Variants in CCNY observed in about 807,000 individuals in gnomAD.
CCNY encodes the protein cyclin-Y.
CCNY carries 19 observed loss-of-function variants against 42.8 expected under a neutral mutation model. The observed-to-expected ratio is 0.44, with a 90% CI of 0.31 to 0.65. The LOEUF is 0.65. CCNY is among the 30% of genes least tolerant of loss of function. The pLI, the probability that CCNY is intolerant of heterozygous loss-of-function variation, is 0.07. For missense variants in CCNY, 370 were observed against 437.3 expected (o/e 0.85, Z 1.37); for synonymous variants, 165 against 162.7 (o/e 1.01, Z -0.11).
intron 1 of CCNY, among the ~76,000 whole-genome samples, chr10:35,393,236 C>A (rs1237385997): frequency 6.6e-6 from 1 of 152,136 alleles, no homozygotes; most frequent in Non-Finnish European, 1.5e-5. Context: ...AAGAGATGCT[C>A]CTATAAGTAT....
intron 1 of CCNY, among the ~76,000 whole-genome samples, chr10:35,391,359 G>A (rs1169321419): frequency 6.6e-6 from 1 of 152,124 alleles, no homozygotes; most frequent in East Asian, 1.9e-4. Flanking sequence ...GGCCAGTTAA[G>A]AACAGGTAAC....
At chr10:35,535,137 A>C (rs548151376) in intron 7 of CCNY, among the ~76,000 whole-genome samples, 10 of 151,804 alleles carry the variant, frequency 6.6e-5, no homozygotes, top group Non-Finnish European at 1.2e-4. Context: ...ATGTATTTGG[A>C]AGAAGGGGTC....
chr10:35,380,326 ATTTCTCTAATGTC>A (rs1239946463), intron 1 of CCNY, among the ~76,000 whole-genome samples: 6 of 152,152 alleles, frequency 3.9e-5, no homozygotes, highest in Non-Finnish European at 7.4e-5. Flanking sequence ...GTCACAGCTT[ATTTCTCTAATGTC>A]TTTCCCTTTC....
intron 1 of CCNY, among the ~76,000 whole-genome samples, chr10:35,355,231 C>G (rs1369123586): frequency 6.6e-6 from 1 of 152,128 alleles, no homozygotes; most frequent in East Asian, 1.9e-4. Context: ...CAGCAAATTT[C>G]AGAGAAGAGC....
chr10:35,447,795 G>A (rs1024839362), intron 1 of CCNY, among the ~76,000 whole-genome samples: 8 of 152,102 alleles, frequency 5.3e-5, no homozygotes, highest in Admixed American at 3.3e-4. Context: ...GGCACAGGTC[G>A]GATGTTTGTG....
At chr10:35,493,127 G>C (rs1209970135) in intron 2 of CCNY, among the ~76,000 whole-genome samples, 1 of 152,170 alleles carries the variant, frequency 6.6e-6, no homozygotes, top group Non-Finnish European at 1.5e-5. Flanking sequence ...GGGCTTTCCA[G>C]TGTGGAGAAA....
At chr10:35,377,879 G>C (rs1837089655) in intron 1 of CCNY, among the ~76,000 whole-genome samples, 1 of 152,200 alleles carries the variant, frequency 6.6e-6, no homozygotes, top group East Asian at 1.9e-4. Context: ...GAGGCAGCAA[G>C]AACATCATAT....
chr10:35,257,960 A>G (rs2095716825), intron 3 of CCNY, among the ~76,000 whole-genome samples: 1 of 151,970 alleles, frequency 6.6e-6, no homozygotes, highest in Non-Finnish European at 1.5e-5. Context: ...AGACTCAATA[A>G]TTTCCACTGT....
chr10:35,363,433 C>T lies in CCNY; in HGVS notation c.154+26226C>T, dbSNP rs568116715. Among the ~76,000 whole-genome samples the T allele has an allele frequency of 7.0e-3, 1,063 of 152,044 alleles. 10 individuals carry two copies. Among genetic ancestry groups the T allele is most frequent in the African/African-American group, 0.024 (1,014 of 41,460 alleles). On this transcript the variant is annotated intron_variant, in intron 1 of 9. Coordinates refer to ENST00000374704, the MANE Select transcript of CCNY (RefSeq NM_145012.6). ...CCTCTCTTCCCAGACGGTGGGGCTG[C>T]CGGGCAGAGGTGCTCCTCTCTTCCC...
rs1377460913 is a variant in CCNY at position 35,572,166 on chromosome 10, A to T, written c.*2996A>T. On this transcript the variant is annotated 3_prime_UTR_variant, in exon 10 of 10. Coordinates refer to ENST00000374704, the MANE Select transcript of CCNY (RefSeq NM_145012.6). Reference sequence around the variant, plus strand: ...CTCGGGCTTGGGCAGAGCCATCTCCATCCTGGGGTTTCCTTTAAGCTAAGC... The same window carrying T: ...CTCGGGCTTGGGCAGAGCCATCTCCTTCCTGGGGTTTCCTTTAAGCTAAGC... 1 of 152,196 alleles carries T rather than the reference A, an allele frequency of 6.6e-6. No individual in the cohort carries two copies. Among genetic ancestry groups the T allele is most frequent in the Non-Finnish European group, 1.5e-5 (1 of 68,080 alleles). The allele number at this position is 152,196 out of a possible 1,614,324, so 9.4% of individuals were successfully genotyped here.
chr10:35,380,620 C>T (rs1475656457), intron 1 of CCNY, among the ~76,000 whole-genome samples: 2 of 152,190 alleles, frequency 1.3e-5, no homozygotes, highest in African/African-American at 4.8e-5. Context: ...TAGAGCACTT[C>T]ACATGCTTTA....
chr10:35,252,098 C>A (rs12777960), intron 3 of CCNY, among the ~76,000 whole-genome samples: 55,448 of 151,948 alleles, frequency 0.36, 10,541 homozygotes, highest in African/African-American at 0.47. Context: ...GATATCAATC[C>A]TAGCATAAGA....
At chr10:35,375,538 G>A (rs995713105) in intron 1 of CCNY, among the ~76,000 whole-genome samples, 8 of 152,188 alleles carry the variant, frequency 5.3e-5, no homozygotes, top group Non-Finnish European at 7.3e-5. Context: ...ATATTCACAG[G>A]TTATGGGGAA....
chr10:35,441,291 TTTC>T (rs1264467890), intron 1 of CCNY, among the ~76,000 whole-genome samples: 2 of 152,238 alleles, frequency 1.3e-5, no homozygotes, highest in African/African-American at 4.8e-5. Context: ...TTGAAATGAC[TTTC>T]ATTTTGGAAG....
At chr10:35,544,032 C>G (rs1018127903) in intron 7 of CCNY, among the ~76,000 whole-genome samples, 3 of 152,114 alleles carry the variant, frequency 2.0e-5, no homozygotes, top group Non-Finnish European at 4.4e-5. Flanking sequence ...AGTGTTATTA[C>G]AAGAGTCCAA....
At chr10:35,545,187 A>T (rs1841086759) in intron 7 of CCNY, among the ~76,000 whole-genome samples, 1 of 152,206 alleles carries the variant, frequency 6.6e-6, no homozygotes, top group Admixed American at 6.5e-5. Flanking sequence ...AAGCCAAACG[A>T]AACCTGTCTG....
intron 3 of CCNY, among the ~76,000 whole-genome samples, chr10:35,504,147 A>G (rs753539096): frequency 2.4e-4 from 36 of 152,364 alleles, no homozygotes; most frequent in Admixed American, 4.6e-4. Flanking sequence ...GTTAACCTAC[A>G]AAGAGGCTAC....
chr10:35,486,886 G>T (rs997348334), intron 2 of CCNY, among the ~76,000 whole-genome samples: 2 of 152,162 alleles, frequency 1.3e-5, no homozygotes, highest in African/African-American at 4.8e-5. Flanking sequence ...CCTCCTTGAG[G>T]GTTTCTTTGA....
intron 1 of CCNY, among the ~76,000 whole-genome samples, chr10:35,460,588 A>G (rs11010203): frequency 0.38 from 57,230 of 152,194 alleles, 13,546 homozygotes; most frequent in Non-Finnish European, 0.51. Context: ...TGTTATTATA[A>G]ATATGATTTG....
Sources: gnomAD v4.1 joint callset for allele counts (sites outside exome capture counted in the v4.1 genomes callset) on GRCh38, gnomAD v4.1.1 for gene constraint, MANE v1.5 for transcripts, NCBI Gene and HGNC (gene_info 2026-07-23, HGNC 2026-07-21) for gene names.